Variants in NPIPB2 observed in about 807,000 individuals in gnomAD.
NPIPB2 encodes the protein nuclear pore complex interacting protein family member B2.
NPIPB2 carries 27 observed loss-of-function variants against 30.8 expected under a neutral mutation model. The ratio of observed to expected loss-of-function variants is 0.88; its 90% confidence interval spans 0.65 to 1.21. NPIPB2 has a LOEUF of 1.21. Among genes scored for constraint, NPIPB2 ranks in the 50% most tolerant of loss-of-function variants. NPIPB2 has a pLI of 0.00. For synonymous variants in NPIPB2, 147 were observed against 162.0 expected (o/e 0.91, Z 0.70); for missense variants, 440 against 446.2 (o/e 0.99, Z 0.13).
intron 1 of NPIPB2, among the ~76,000 whole-genome samples, chr16:11,965,747 G>C (rs1567478985): frequency 6.6e-6 from 1 of 152,104 alleles, no homozygotes; most frequent in Non-Finnish European, 1.5e-5. Context: ...TGATTGAATG[G>C]AAATAATCCA....
chr16:11,952,901 C>T (rs1385585559), intron 1 of NPIPB2, among the ~76,000 whole-genome samples: 1 of 152,004 alleles, frequency 6.6e-6, no homozygotes, highest in Non-Finnish European at 1.5e-5. Context: ...ACATAAAAAT[C>T]TACTTCAATG....
chr16:11,975,714 C>T (rs558793940), intron 1 of NPIPB2, among the ~76,000 whole-genome samples: 3 of 151,942 alleles, frequency 2.0e-5, no homozygotes, highest in Non-Finnish European at 4.4e-5. Context: ...TTTCAGCCTC[C>T]CCAGTAGCTG....
upstream of NPIPB2, among the ~76,000 whole-genome samples, chr16:11,944,750 A>AG (rs1555508874): frequency 3.3e-5 from 5 of 150,564 alleles, no homozygotes; most frequent in Non-Finnish European, 7.4e-5. Flanking sequence ...AAAAAAAAAA[A>AG]AAAAAAAAAA....
intron 4 of NPIPB2, among the ~76,000 whole-genome samples, chr16:11,932,295 A>ATGGC (rs2054800467): frequency 1.3e-5 from 2 of 152,050 alleles, no homozygotes; most frequent in East Asian, 3.9e-4. Context: ...TATGGCAGCA[A>ATGGC]AATACAATGT....
intron 1 of NPIPB2, among the ~76,000 whole-genome samples, chr16:11,951,625 TACACACACACACACACACAC>T (rs1214348316): frequency 8.3e-5 from 8 of 95,868 alleles, no homozygotes; most frequent in Non-Finnish European, 1.2e-4. Flanking sequence ...CACATACACA[TACACACACACACACACACAC>T]ACACACACAC....
chr16:11,955,715 T>A, intron 1 of NPIPB2, among the ~76,000 whole-genome samples: 1 of 117,808 alleles, frequency 8.5e-6, no homozygotes, highest in Non-Finnish European at 1.7e-5. Flanking sequence ...AGCAAGACAC[T>A]GTCTCAAAAA....
chr16:11,973,819 G>C (rs1048317569), intron 1 of NPIPB2, among the ~76,000 whole-genome samples: 1 of 152,110 alleles, frequency 6.6e-6, no homozygotes, highest in African/African-American at 2.4e-5. Context: ...GCTACAAAAA[G>C]AATGAGGGCT....
upstream of NPIPB2, among the ~76,000 whole-genome samples, chr16:11,944,153 T>C (rs1199835471): frequency 1.3e-5 from 2 of 151,396 alleles, no homozygotes; most frequent in African/African-American, 2.4e-5. Context: ...CTGCCTGTGA[T>C]ACAGATGATA....
chr16:11,973,715 T>G (rs2055249991), intron 1 of NPIPB2, among the ~76,000 whole-genome samples: 1 of 152,112 alleles, frequency 6.6e-6, no homozygotes, highest in African/African-American at 2.4e-5. Flanking sequence ...AGTTCCTAGC[T>G]GGTCTGGAAC....
chr16:11,947,684 T>C (rs1188029445), intron 1 of NPIPB2, among the ~76,000 whole-genome samples: 3 of 151,942 alleles, frequency 2.0e-5, no homozygotes, highest in Non-Finnish European at 2.9e-5. Flanking sequence ...TCAGAAATTC[T>C]AGATGAAAAA....
intron 1 of NPIPB2, among the ~76,000 whole-genome samples, chr16:11,975,293 G>A (rs926910407): frequency 1.4e-5 from 2 of 139,190 alleles, no homozygotes; most frequent in South Asian, 2.6e-4. Context: ...GACTACAGGC[G>A]CCCGCCACTA....
intron 1 of NPIPB2, among the ~76,000 whole-genome samples, chr16:11,951,666 A>ACACACACACACACAC (rs1226047972): frequency 7.2e-6 from 1 of 138,870 alleles, no homozygotes; most frequent in African/African-American, 2.6e-5. Context: ...ACACACACAC[A>ACACACACACACACAC]CCCAGCCCCC....
intron 1 of NPIPB2, among the ~76,000 whole-genome samples, chr16:11,954,382 G>A (rs2055092657): frequency 6.6e-6 from 1 of 151,652 alleles, no homozygotes; most frequent in African/African-American, 2.4e-5. Flanking sequence ...GGAGGCTGAG[G>A]CAGAAGAATC....
chr16:11,931,516 G>A (rs560789938), intron 4 of NPIPB2, among the ~76,000 whole-genome samples: 10 of 152,336 alleles, frequency 6.6e-5, no homozygotes, highest in African/African-American at 2.4e-4. Context: ...AGCACATGCT[G>A]TCTGGAGTGG....
chr16:11,949,932 T>C (rs924808939), intron 1 of NPIPB2, among the ~76,000 whole-genome samples: 2 of 152,214 alleles, frequency 1.3e-5, no homozygotes, highest in Non-Finnish European at 2.9e-5. Flanking sequence ...TTGCCAACAC[T>C]TGTGCCCCCG....
chr16:11,951,619 T>TACACACACACACACACACACAC (rs1237887146), intron 1 of NPIPB2, among the ~76,000 whole-genome samples: 7 of 115,814 alleles, frequency 6.0e-5, no homozygotes, highest in African/African-American at 2.3e-4. Flanking sequence ...ACACTGCACA[T>TACACACACACACACACACACAC]ACACATACAC....
chr16:11,971,997 T>C (rs879862096), intron 1 of NPIPB2, among the ~76,000 whole-genome samples: 1 of 151,492 alleles, frequency 6.6e-6, no homozygotes, highest in Non-Finnish European at 1.5e-5. Flanking sequence ...ATACAAAAAA[T>C]TAGCCGGGTG....
chr16:11,948,287 G>A (rs1313915512), intron 1 of NPIPB2, among the ~76,000 whole-genome samples: 1 of 152,036 alleles, frequency 6.6e-6, no homozygotes, highest in Non-Finnish European at 1.5e-5. Flanking sequence ...ATGAACTGTG[G>A]ATCCTGTCAT....
intron 1 of NPIPB2, among the ~76,000 whole-genome samples, chr16:11,964,884 G>C (rs147636359): frequency 7.4e-4 from 112 of 152,200 alleles, no homozygotes; most frequent in African/African-American, 2.6e-3. Context: ...GATCTTAAGG[G>C]GCACAGCACA....
Sources: gnomAD v4.1 joint callset for allele counts (sites outside exome capture counted in the v4.1 genomes callset) on GRCh38, gnomAD v4.1.1 for gene constraint, MANE v1.5 for transcripts, NCBI Gene and HGNC (gene_info 2026-07-23, HGNC 2026-07-21) for gene names.